The following PPP2R5A variants were observed in gnomAD, a reference collection of about 807,000 sequenced individuals.
PPP2R5A encodes the protein protein phosphatase 2 regulatory subunit B'alpha.
A neutral mutation model predicts 64.2 loss-of-function variants in PPP2R5A; 25 were observed. The ratio of observed to expected loss-of-function variants is 0.39; its 90% CI spans 0.28 to 0.54. PPP2R5A has a LOEUF of 0.54. Ranked by LOEUF, PPP2R5A falls within the 20% of genes least tolerant of loss-of-function variation. The pLI is 0.67. For missense variants in PPP2R5A, 425 were observed against 576.3 expected (o/e 0.74, Z 2.69); for synonymous variants, 198 against 201.2 (o/e 0.98, Z 0.13).
intron 4 of PPP2R5A, among the ~76,000 whole-genome samples, chr1:212,344,284 A>T (rs1312705297): frequency 6.6e-6 from 1 of 152,156 alleles, no homozygotes; most frequent in Non-Finnish European, 1.5e-5. Context: ...GCCATTTTTA[A>T]TTAGAATAAT....
In PPP2R5A at chr1:212,307,372, T is replaced by C. The variant is rs1400232024; in HGVS notation, c.181+21081T>C. Among the ~76,000 whole-genome samples the C allele has an allele frequency of 2.0e-5, 3 of 152,274 alleles. No individual in the cohort carries two copies. The East Asian group carries it at 5.8e-4, about 29-fold the overall frequency. On this transcript the variant is annotated intron_variant, in intron 1 of 12. Transcript: ENST00000261461. The stretch of plus-strand genomic sequence containing the variant: ...TAGTGAGATGTAGAATCATTATTCC[T>C]ATATGCCTCTGTTTCCTTTCCTCCT...
Position 212,286,089 on chromosome 1 carries a change from GC to G in PPP2R5A, c.-20del, listed in dbSNP as rs894158013. On this transcript the variant is annotated 5_prime_UTR_variant, in exon 1 of 13. Coordinates refer to ENST00000261461, the MANE Select transcript of PPP2R5A (RefSeq NM_006243.4). Reference sequence around the variant, plus strand: ...TGCCTTGCAAGCAGCAGCCGGAGCTGCCAAGCGTCAGGGCCGCGGAGATGTC... The same window carrying G: ...TGCCTTGCAAGCAGCAGCCGGAGCTGCAAGCGTCAGGGCCGCGGAGATGTC... 2 of 1,533,900 alleles carry G rather than the reference GC, an allele frequency of 1.3e-6. No individual in the cohort carries two copies. The highest frequency in any genetic ancestry group is 1.7e-6 in the Non-Finnish European group (2 of 1,144,424).
At chr1:212,358,917 T>A in intron 12 of PPP2R5A, 130 bp downstream of exon 12, 1 of 586,754 alleles carries the variant, frequency 1.7e-6, no homozygotes, top group African/African-American at 1.9e-5. Flanking sequence ...ATAGTAAACA[T>A]TACAATGTGA....
At chr1:212,317,668 A>G (rs1659183604) in intron 1 of PPP2R5A, among the ~76,000 whole-genome samples, 1 of 152,166 alleles carries the variant, frequency 6.6e-6, no homozygotes, top group Non-Finnish European at 1.5e-5. Context: ...TTTGAAAAAC[A>G]GTATACTAGA....
At chr1:212,342,957 T>G (rs1659710600) in intron 4 of PPP2R5A, among the ~76,000 whole-genome samples, 1 of 151,120 alleles carries the variant, frequency 6.6e-6, no homozygotes, top group African/African-American at 2.4e-5. Flanking sequence ...AAAGGCCTCT[T>G]TTTTTTTTGA....
At chr1:212,291,303 A>G (rs1203471034) in intron 1 of PPP2R5A, among the ~76,000 whole-genome samples, 3 of 151,954 alleles carry the variant, frequency 2.0e-5, no homozygotes, top group Non-Finnish European at 4.4e-5. Flanking sequence ...GCTGGTTTTG[A>G]ACTCCTGACC....
chr1:212,307,570 G>A (rs997637876), intron 1 of PPP2R5A, among the ~76,000 whole-genome samples: 4 of 151,954 alleles, frequency 2.6e-5, no homozygotes, highest in African/African-American at 7.3e-5. Context: ...TGTATCAACC[G>A]TCCAATGGTA....
intron 6 of PPP2R5A, 52 bp downstream of exon 6, chr1:212,347,458 T>G (rs770968016): frequency 1.5e-6 from 2 of 1,352,618 alleles, no homozygotes; most frequent in Non-Finnish European, 2.1e-6. Flanking sequence ...GAATGTTTTA[T>G]GTATTAAAAT....
At chr1:212,332,965 G>C (rs1659530854) in intron 2 of PPP2R5A, among the ~76,000 whole-genome samples, 1 of 150,914 alleles carries the variant, frequency 6.6e-6, no homozygotes, top group Admixed American at 6.6e-5. Context: ...GCAGTGGTAT[G>C]ATCTCGGCTC....
At chr1:212,317,386 T>C (rs1659175964) in intron 1 of PPP2R5A, among the ~76,000 whole-genome samples, 1 of 7,068 alleles carries the variant, frequency 1.4e-4, no homozygotes, top group South Asian at 1.7e-3. Flanking sequence ...AAAAACAGTA[T>C]TCTCATACCC....
At chr1:212,320,937 G>A (rs1333557740) in intron 1 of PPP2R5A, among the ~76,000 whole-genome samples, 6 of 110,198 alleles carry the variant, frequency 5.4e-5, no homozygotes, top group African/African-American at 1.7e-4. Context: ...CCGGGCGGGG[G>A]GCTGACCCCC....
At chr1:212,346,726 GGTTT>G (rs1423147354) in intron 5 of PPP2R5A, among the ~76,000 whole-genome samples, 2 of 152,042 alleles carry the variant, frequency 1.3e-5, no homozygotes, top group Non-Finnish European at 2.9e-5. Context: ...TTCAAGGTTT[GGTTT>G]GTTTAATTAA....
chr1:212,347,714 A>G (rs1260131314), intron 6 of PPP2R5A, among the ~76,000 whole-genome samples: 1 of 151,732 alleles, frequency 6.6e-6, no homozygotes, highest in African/African-American at 2.4e-5. Context: ...GAATTTTTTA[A>G]TTTTTATTTT....
intron 1 of PPP2R5A, chr1:212,319,585 C>T (rs1431972164): frequency 2.0e-5 from 3 of 151,234 alleles, no homozygotes; most frequent in Non-Finnish European, 4.4e-5. Context: ...TTACATTTAA[C>T]AGATTTATTA....
intron 8 of PPP2R5A, among the ~76,000 whole-genome samples, chr1:212,352,118 GGTTCAC>G (rs1235106485): frequency 6.6e-6 from 1 of 151,504 alleles, no homozygotes; most frequent in African/African-American, 2.4e-5. Context: ...CCACCTCCTG[GGTTCAC>G]GCAATTCTTG....
chr1:212,324,268 T>C (rs1368814558), intron 1 of PPP2R5A, among the ~76,000 whole-genome samples: 6 of 152,196 alleles, frequency 3.9e-5, no homozygotes, highest in African/African-American at 1.4e-4. Flanking sequence ...GTTACTGTTC[T>C]GAATACTGTA....
chr1:212,302,435 G>T (rs1658814926), intron 1 of PPP2R5A, among the ~76,000 whole-genome samples: 1 of 152,156 alleles, frequency 6.6e-6, no homozygotes, highest in Non-Finnish European at 1.5e-5. Context: ...TGGATTCTGT[G>T]TATGTGTTGT....
chr1:212,321,361 C>T (rs1338722926), intron 1 of PPP2R5A, among the ~76,000 whole-genome samples: 3 of 150,296 alleles, frequency 2.0e-5, no homozygotes, highest in African/African-American at 4.9e-5. Flanking sequence ...GCTGGCCGGG[C>T]GGGGGGCTGA....
At chr1:212,301,994 C>T in intron 1 of PPP2R5A, 1 of 1,464,492 alleles carries the variant, frequency 6.8e-7, no homozygotes, top group Non-Finnish European at 9.1e-7. Flanking sequence ...AGAGGATTAA[C>T]AATGAACAAC....
Sources: allele counts gnomAD v4.1 joint callset (sites outside exome capture counted in the v4.1 genomes callset), GRCh38; gene constraint gnomAD v4.1.1; transcripts MANE v1.5; gene names NCBI Gene and HGNC (gene_info 2026-07-23, HGNC 2026-07-21).